Variants in PLD5 observed in about 807,000 individuals in gnomAD.
PLD5 encodes inactive phospholipase D5.
Under a neutral mutation model 61.1 loss-of-function variants are expected in PLD5, and 36 were observed. The ratio of observed to expected loss-of-function variants is 0.59; its 90% CI spans 0.45 to 0.78. PLD5 has a LOEUF of 0.78. PLD5 is among the 30% of genes least tolerant of loss of function. The probability of loss-of-function intolerance (pLI) is 0.00; values close to 1 mark genes in which losing one functional copy is unlikely to be tolerated. For missense variants in PLD5, 515 were observed against 644.4 expected, an observed-to-expected ratio of 0.80 and a Z score of 2.17; for synonymous variants, 243 against 242.8, an observed-to-expected ratio of 1.00 and a Z score of -0.01.
At chr1:242,450,596 C>T (rs1006662292) in intron 1 of PLD5, among the ~76,000 whole-genome samples, 1 of 152,120 alleles carries the variant, frequency 6.6e-6, no homozygotes, top group Non-Finnish European at 1.5e-5. Context: ...GAATAACCTC[C>T]AGCAAAGCTA....
intron 4 of PLD5, among the ~76,000 whole-genome samples, chr1:242,239,940 T>C (rs1440667986): frequency 6.6e-6 from 1 of 151,600 alleles, no homozygotes; most frequent in Non-Finnish European, 1.5e-5. Context: ...CTGCCAAAAG[T>C]TAGCTGCATG....
At chr1:242,123,139 C>T (rs1256343743) in intron 6 of PLD5, among the ~76,000 whole-genome samples, 2 of 152,148 alleles carry the variant, frequency 1.3e-5, no homozygotes, top group South Asian at 2.1e-4. Context: ...ACAGTAAGTC[C>T]TCACTTAATG....
At chr1:242,213,455 G>C (rs537805981) in intron 5 of PLD5, among the ~76,000 whole-genome samples, 1 of 152,144 alleles carries the variant, frequency 6.6e-6, no homozygotes. Context: ...TTTAATTATT[G>C]CACCTGAAAA....
chr1:242,212,654 C>A (rs757343827), intron 5 of PLD5, among the ~76,000 whole-genome samples: 10 of 152,208 alleles, frequency 6.6e-5, no homozygotes, highest in Non-Finnish European at 1.3e-4. Context: ...GCAGCACAGA[C>A]AAAGCACAGC....
chr1:242,518,494 T>C (rs1376683577), intron 1 of PLD5, among the ~76,000 whole-genome samples: 2 of 152,190 alleles, frequency 1.3e-5, no homozygotes, highest in Non-Finnish European at 2.9e-5. Flanking sequence ...GTCAATTCAG[T>C]AAGAGAACAT....
intron 1 of PLD5, among the ~76,000 whole-genome samples, chr1:242,372,628 A>C (rs370165046): frequency 6.6e-6 from 1 of 152,198 alleles, no homozygotes; most frequent in South Asian, 2.1e-4. Flanking sequence ...GAGCCCTCAG[A>C]AATATTACCA....
intron 1 of PLD5, among the ~76,000 whole-genome samples, chr1:242,440,105 A>T (rs750736817): frequency 6.6e-6 from 1 of 152,218 alleles, no homozygotes; most frequent in South Asian, 2.1e-4. Flanking sequence ...CTGTCCTAAG[A>T]TATTGGCAGG....
intron 4 of PLD5, among the ~76,000 whole-genome samples, chr1:242,227,033 TTTTAAAAGGAGTATATTCTTGAGAGCC>T (rs1670996151): frequency 6.6e-6 from 1 of 152,322 alleles, no homozygotes; most frequent in East Asian, 1.9e-4. Flanking sequence ...TGTACACACA[TTTTAAAAGGAGTATATTCTTGAGAGCC>T]TTCCTCTACC....
rs1258109245 is a variant in PLD5, at chr1:242,085,827, T to G, written c.*4027A>C. Reference sequence around the variant, plus strand: ...TTTACATTCCTAAAGTTAAAAATAATGAAATGAATTTTGGACACAGAAACA... The same window carrying G: ...TTTACATTCCTAAAGTTAAAAATAAGGAAATGAATTTTGGACACAGAAACA... On this transcript the variant is annotated 3_prime_UTR_variant, in exon 10 of 10. Transcript: ENST00000536534. The G allele has an allele frequency of 6.6e-6, 1 of 151,564 alleles. No individual in the cohort carries two copies. Among genetic ancestry groups the G allele is most frequent in the Non-Finnish European group, 1.5e-5 (1 of 67,958 alleles). The allele number at this position is 151,564 out of a possible 1,614,324, so 9.4% of individuals were successfully genotyped here. A position where few individuals can be genotyped will look rare whatever the true frequency, so the allele number is the denominator to read the frequency against.
At position 242,286,399 on chromosome 1, in the gene PLD5, T is replaced by C. The variant is rs190924763; in HGVS notation, c.495+1963A>G. 2.8e-3 allele frequency among the ~76,000 whole-genome samples: 423 copies of C among 152,280 alleles called. 2 individuals carry two copies. Among genetic ancestry groups the C allele is most frequent in the African/African-American group, 9.9e-3 (412 of 41,560 alleles). Reference sequence around the variant, plus strand: ...CAGTAAGGGATCGCTGACCTGTCTCTTCCTGTGGGCAGCAAACCATAAAGA... The same window carrying C: ...CAGTAAGGGATCGCTGACCTGTCTCCTCCTGTGGGCAGCAAACCATAAAGA... On this transcript the variant is annotated intron_variant, in intron 3 of 9. Coordinates refer to ENST00000536534, the MANE Select transcript of PLD5 (RefSeq NM_001372062.1).
chr1:242,184,927 C>A (rs1429328870), intron 5 of PLD5, among the ~76,000 whole-genome samples: 1 of 152,156 alleles, frequency 6.6e-6, no homozygotes, highest in Non-Finnish European at 1.5e-5. Flanking sequence ...TGGAATGGAC[C>A]ACCAGAACTT....
chr1:242,282,176 C>A (rs1049557811), intron 3 of PLD5, among the ~76,000 whole-genome samples: 3 of 152,206 alleles, frequency 2.0e-5, no homozygotes, highest in Admixed American at 6.5e-5. Flanking sequence ...AAACACTGTT[C>A]TATCCTCTTC....
rs922224702 is a variant in PLD5, at chr1:242,121,361, A to G, written c.933+3107T>C. The stretch of plus-strand genomic sequence containing the variant: ...GTTATAATAGAAGGGAGTTCAAGGA[A>G]CTCTGTCTGAATGATATCAATTCCA... On this transcript the variant is annotated intron_variant, in intron 6 of 9. Transcript: ENST00000536534. Among the ~76,000 whole-genome samples, 10 of 152,146 alleles carry G rather than the reference A, an allele frequency of 6.6e-5. 1 individual carries two copies. Among genetic ancestry groups the G allele is most frequent in the African/African-American group, 1.7e-4 (7 of 41,512 alleles).
rs977628601 is a variant in PLD5, at chr1:242,089,759, TA to T, written c.*94del. 16 of 1,488,656 alleles carry T rather than the reference TA, an allele frequency of 1.1e-5. No homozygotes were observed. In the African/African-American group the frequency reaches 1.4e-4, roughly 13 times the overall value. The allele number at this position is 1,488,656 out of a possible 1,614,324, so 92.2% of individuals were successfully genotyped here. Reference sequence around the variant, plus strand: ...ATTTTTTATAAGTGTGCTTTTTCCCTAAAAAAAGAGACATATTAAAGTGTTT... The same window carrying T: ...ATTTTTTATAAGTGTGCTTTTTCCCTAAAAAAGAGACATATTAAAGTGTTT... On this transcript the variant is annotated 3_prime_UTR_variant, in exon 10 of 10. Coordinates refer to ENST00000536534, the MANE Select transcript of PLD5 (RefSeq NM_001372062.1).
chr1:242,113,556 A>AT (rs889388501), intron 7 of PLD5, among the ~76,000 whole-genome samples: 1 of 152,110 alleles, frequency 6.6e-6, no homozygotes, highest in South Asian at 2.1e-4. Context: ...TCAAATGATA[A>AT]TTTTTTTCAT....
intron 1 of PLD5, among the ~76,000 whole-genome samples, chr1:242,461,070 G>T (rs1667105118): frequency 6.6e-6 from 1 of 152,214 alleles, no homozygotes; most frequent in African/African-American, 2.4e-5. Context: ...GAACCCAGGA[G>T]GCAGAGGTTG....
chr1:242,183,877 A>G (rs905622443), intron 5 of PLD5, among the ~76,000 whole-genome samples: 3 of 152,208 alleles, frequency 2.0e-5, no homozygotes, highest in Non-Finnish European at 4.4e-5. Context: ...CCTGGGCGAC[A>G]GAGCGAGACT....
chr1:242,272,393 G>C (rs2149114101), intron 3 of PLD5, among the ~76,000 whole-genome samples: 1 of 152,018 alleles, frequency 6.6e-6, no homozygotes, highest in South Asian at 2.1e-4. Flanking sequence ...CAATAAACTT[G>C]ATTATATGTA....
intron 5 of PLD5, among the ~76,000 whole-genome samples, chr1:242,179,145 C>T (rs1667358597): frequency 6.6e-6 from 1 of 152,192 alleles, no homozygotes. Context: ...GGGGCAATTA[C>T]CTTCTCTCCT....
Sources: gnomAD v4.1 joint callset for allele counts (sites outside exome capture counted in the v4.1 genomes callset) on GRCh38, gnomAD v4.1.1 for gene constraint, MANE v1.5 for transcripts, NCBI Gene and HGNC (gene_info 2026-07-23, HGNC 2026-07-21) for gene names.